CALB1: variants seen among roughly 807,000 people sequenced by gnomAD.
CALB1 encodes calbindin 1, also known as calbindin.
A neutral mutation model predicts 46.7 loss-of-function variants in CALB1; 16 were observed. The ratio of observed to expected loss-of-function variants is 0.34; its 90% confidence interval spans 0.23 to 0.52. The LOEUF is 0.52. CALB1 is among the 20% of genes least tolerant of loss of function. CALB1 has a pLI of 0.95. For missense variants in CALB1, 224 were observed against 300.3 expected (o/e 0.75, Z 1.88); for synonymous variants, 90 against 112.8 (o/e 0.80, Z 1.28).
At chr8:90,077,248 T>C (rs1435430651) in intron 3 of CALB1, among the ~76,000 whole-genome samples, 1 of 152,042 alleles carries the variant, frequency 6.6e-6, no homozygotes, top group African/African-American at 2.4e-5. Flanking sequence ...AAGGGGAATG[T>C]ATGTACTCCA....
chr8:90,080,982 A>G (rs148378302), intron 2 of CALB1, among the ~76,000 whole-genome samples: 1 of 152,138 alleles, frequency 6.6e-6, no homozygotes, highest in Non-Finnish European at 1.5e-5. Flanking sequence ...ATTAACGTGT[A>G]ACTCATCCCA....
intron 9 of CALB1, 76 bp downstream of exon 9, chr8:90,063,024 T>A (rs1814331150): frequency 9.6e-7 from 1 of 1,036,960 alleles, no homozygotes; most frequent in Non-Finnish European, 1.5e-6. Flanking sequence ...TATTTTATAC[T>A]TAAATTTTGT....
At chr8:90,069,108 T>C (rs1469571601) in intron 4 of CALB1, 46 bp downstream of exon 4, 2 of 1,610,570 alleles carry the variant, frequency 1.2e-6, no homozygotes, top group African/African-American at 1.3e-5. Context: ...AAAGGAACAA[T>C]TTTCCTACTT....
At position 90,078,513 on chromosome 8, in the gene CALB1, T is replaced by C. The variant is rs1814661442; in HGVS notation, c.157-66A>G. On this transcript the variant is annotated intron_variant, in intron 2 of 10. Transcript: ENST00000265431. Reference sequence around the variant, plus strand: ...ATACCAGTTATGCTTGTGATGGTGTTAATAACTTACTGCAAAGAAAAACCA... The same window carrying C: ...ATACCAGTTATGCTTGTGATGGTGTCAATAACTTACTGCAAAGAAAAACCA... 9 of 915,266 alleles carry C rather than the reference T, an allele frequency of 9.8e-6. No individual in the cohort carries two copies. In the East Asian group the frequency reaches 1.5e-4, roughly 15 times the overall value. The allele number at this position is 915,266 out of a possible 1,614,324, so 56.7% of individuals were successfully genotyped here.
Position 90,082,105 on chromosome 8 carries a change from G to A in CALB1, c.80-3C>T. ...CTTTCCTTCCAGGTAACCACTTCCTGCAAAGACAAAGAGGCACCCAGGTGT... is the reference window on the plus strand; with the variant it reads ...CTTTCCTTCCAGGTAACCACTTCCTACAAAGACAAAGAGGCACCCAGGTGT... On this transcript the variant is annotated splice_polypyrimidine_tract_variant and splice_region_variant and intron_variant, in intron 1 of 10. Transcript: ENST00000265431. 6.2e-7 allele frequency: 1 copy of A among 1,613,250 alleles called. No individual in the cohort carries two copies. Among genetic ancestry groups the A allele is most frequent in the Non-Finnish European group, 8.5e-7 (1 of 1,179,496 alleles).
At chr8:90,062,169 A>C (rs1814313385) in intron 9 of CALB1, 1 of 152,020 alleles carries the variant, frequency 6.6e-6, no homozygotes, top group South Asian at 2.1e-4. Flanking sequence ...CTTAGCTTAC[A>C]CCATATAAAA....
At chr8:90,066,223 G>T (rs1005412904) in intron 5 of CALB1, among the ~76,000 whole-genome samples, 3 of 151,938 alleles carry the variant, frequency 2.0e-5, no homozygotes, top group Non-Finnish European at 4.4e-5. Flanking sequence ...ATTGATCATT[G>T]TCTGTGCATT....
rs1814264531 is a variant in CALB1, at chr8:90,060,004, T to G, written c.*169A>C. On this transcript the variant is annotated 3_prime_UTR_variant, in exon 11 of 11. Coordinates refer to ENST00000265431, the MANE Select transcript of CALB1 (RefSeq NM_004929.4). ...ATCATATGGTTACAAAAACTGTATATTACAAACAGTATAGAAACAAGCTGA... is the reference window on the plus strand; with the variant it reads ...ATCATATGGTTACAAAAACTGTATAGTACAAACAGTATAGAAACAAGCTGA... The G allele has an allele frequency of 1.8e-6, 1 of 557,678 alleles. No homozygotes were observed. Among genetic ancestry groups the G allele is most frequent in the Non-Finnish European group, 3.2e-6 (1 of 313,408 alleles). The allele number at this position is 557,678 out of a possible 1,614,324, so 34.5% of individuals were successfully genotyped here. A position where few individuals can be genotyped will look rare whatever the true frequency, so the allele number is the denominator to read the frequency against.
chr8:90,074,016 A>AT (rs77533201), intron 3 of CALB1, among the ~76,000 whole-genome samples: 7,197 of 148,188 alleles, frequency 0.049, 318 homozygotes, highest in East Asian at 0.2. Flanking sequence ...CCAAGCATTC[A>AT]TTTTTTTTTT....
chr8:90,078,017 G>A (rs1814651128), intron 3 of CALB1, among the ~76,000 whole-genome samples: 1 of 152,074 alleles, frequency 6.6e-6, no homozygotes, highest in South Asian at 2.1e-4. Context: ...GACACTGTAT[G>A]GAAGTGGGGC....
At chr8:90,081,407 G>C (rs966930638) in intron 2 of CALB1, 26 of 866,816 alleles carry the variant, frequency 3.0e-5, no homozygotes, top group Non-Finnish European at 2.8e-6. Flanking sequence ...TGCAAGTTGG[G>C]CAACTTACCC....
rs1311681705 is a variant in CALB1 at position 90,058,675 on chromosome 8, A to C, written c.*1498T>G. 1 of 152,234 alleles carries C rather than the reference A, an allele frequency of 6.6e-6. No individual in the cohort carries two copies. Among genetic ancestry groups the C allele is most frequent in the African/African-American group, 2.4e-5 (1 of 41,464 alleles). The allele number at this position is 152,234 out of a possible 1,614,324, so 9.4% of individuals were successfully genotyped here. A position where few individuals can be genotyped will look rare whatever the true frequency, so the allele number is the denominator to read the frequency against. ...CAGTCTAATGGCAGTGCTTCCATTT[A>C]CACGCTAAAGGCAAAGCCAATCTCC... On this transcript the variant is annotated 3_prime_UTR_variant, in exon 11 of 11. Coordinates refer to ENST00000265431, the MANE Select transcript of CALB1 (RefSeq NM_004929.4).
chr8:90,065,441 T>C (rs953410564), intron 6 of CALB1, among the ~76,000 whole-genome samples: 24 of 151,886 alleles, frequency 1.6e-4, no homozygotes, highest in African/African-American at 5.3e-4. Context: ...CTTGCTTAAT[T>C]AATAAAGTAG....
rs553808305 is a variant in CALB1, at chr8:90,059,961, T to C, written c.*212A>G. 42 of 460,608 alleles carry C rather than the reference T, an allele frequency of 9.1e-5. No homozygotes were observed. Among genetic ancestry groups the C allele is most frequent in the African/African-American group, 6.9e-4 (35 of 50,762 alleles). The allele number at this position is 460,608 out of a possible 1,614,324, so 28.5% of individuals were successfully genotyped here. ...TTGGGTGTACTGACTGGCCTAAGCA[T>C]AGACTTTCTTCTTTTCAATCATATG... On this transcript the variant is annotated 3_prime_UTR_variant, in exon 11 of 11. Coordinates refer to ENST00000265431, the MANE Select transcript of CALB1 (RefSeq NM_004929.4).
At chr8:90,063,713 G>A in intron 6 of CALB1, 1 of 413,566 alleles carries the variant, frequency 2.4e-6, no homozygotes, top group East Asian at 4.2e-5. Context: ...CTAGAATACT[G>A]TCACTTTTTT....
chr8:90,066,017 A>G (rs1335314288), intron 5 of CALB1, 42 bp from the exon 6 acceptor site: 3 of 1,262,362 alleles, frequency 2.4e-6, no homozygotes, highest in Non-Finnish European at 3.5e-6. Flanking sequence ...CATTAATAAT[A>G]TATCGTCTAC....
At chr8:90,080,224 T>G (rs562024797) in intron 2 of CALB1, among the ~76,000 whole-genome samples, 7 of 152,032 alleles carry the variant, frequency 4.6e-5, no homozygotes, top group African/African-American at 1.7e-4. Context: ...GCTTTGAATA[T>G]TCCAAAACAG....
Position 90,082,769 on chromosome 8 carries a change from A to T in CALB1, c.-72T>A. On this transcript the variant is annotated 5_prime_UTR_variant, in exon 1 of 11. Transcript: ENST00000265431. ...TGTCCGCGCGAGGGGGAGTGAGCAA[A>T]AGCTCAGCGTGTGCGCGAGTCAGGG... 1 of 1,422,884 alleles carries T rather than the reference A, an allele frequency of 7.0e-7. No homozygotes were observed. Among genetic ancestry groups the T allele is most frequent in the East Asian group, 2.3e-5 (1 of 43,880 alleles). 88.1% of individuals were successfully genotyped at this position (1,422,884 alleles called of 1,614,324 possible).
intron 6 of CALB1, chr8:90,064,472 T>G (rs1814355083): frequency 6.6e-6 from 1 of 151,768 alleles, no homozygotes. Flanking sequence ...ATTAATTTGC[T>G]TCCTGGATTT....
Sources: gnomAD v4.1 joint callset for allele counts (sites outside exome capture counted in the v4.1 genomes callset) on GRCh38, gnomAD v4.1.1 for gene constraint, MANE v1.5 for transcripts, NCBI Gene and HGNC (gene_info 2026-07-23, HGNC 2026-07-21) for gene names.